The following RASAL2 variants were observed in gnomAD, a reference collection of about 807,000 sequenced individuals.
The protein encoded by RASAL2 is RAS protein activator like 2, also known as ras GTPase-activating protein nGAP.
RASAL2 carries 58 observed loss-of-function variants against 128.9 expected under a neutral mutation model. The ratio of observed to expected loss-of-function variants is 0.45; its 90% confidence interval spans 0.36 to 0.56. RASAL2 has a LOEUF of 0.56. Ranked by LOEUF, RASAL2 falls within the 20% of genes least tolerant of loss-of-function variation. The probability of loss-of-function intolerance (pLI) is 0.00; values close to 1 mark genes in which losing one functional copy is unlikely to be tolerated. For synonymous variants in RASAL2, 561 were observed against 580.8 expected (o/e 0.97, Z 0.49); for missense variants, 1,360 against 1,601.6 (o/e 0.85, Z 2.57).
At chr1:178,099,352 T>G (rs1276074497) in intron 1 of RASAL2, among the ~76,000 whole-genome samples, 1 of 152,232 alleles carries the variant, frequency 6.6e-6, no homozygotes. Flanking sequence ...ACATTAAGAA[T>G]AGACAGTTTT....
chr1:178,258,619 G>A (rs1045681151), intron 1 of RASAL2, among the ~76,000 whole-genome samples: 1 of 152,222 alleles, frequency 6.6e-6, no homozygotes, highest in African/African-American at 2.4e-5. Context: ...AATAACAAGT[G>A]TTGACTTGTA....
chr1:178,327,931 A>G (rs1413719239), intron 3 of RASAL2, among the ~76,000 whole-genome samples: 2 of 152,198 alleles, frequency 1.3e-5, no homozygotes, highest in East Asian at 3.9e-4. Flanking sequence ...GGAGTAAAGC[A>G]GACACAAGCC....
intron 1 of RASAL2, among the ~76,000 whole-genome samples, chr1:178,162,347 T>TATATAATATATAATATAC (rs2101896396): frequency 7.8e-6 from 1 of 127,470 alleles, no homozygotes; most frequent in East Asian, 2.0e-4. Flanking sequence ...ATATTATGTG[T>TATATAATATATAATATAC]ATATAATATA....
chr1:178,253,602 G>T (rs532481579), intron 1 of RASAL2, among the ~76,000 whole-genome samples: 6 of 152,084 alleles, frequency 3.9e-5, no homozygotes, highest in Non-Finnish European at 8.8e-5. Flanking sequence ...AAGGGAGATA[G>T]GGGTGGGGCT....
intron 1 of RASAL2, among the ~76,000 whole-genome samples, chr1:178,230,436 C>G (rs1035738949): frequency 1.3e-5 from 2 of 152,182 alleles, no homozygotes; most frequent in Admixed American, 1.3e-4. Context: ...TCTGGTTACT[C>G]TACATCCTCA....
chr1:178,288,033 A>C (rs1418507730), intron 2 of RASAL2, among the ~76,000 whole-genome samples: 4 of 152,218 alleles, frequency 2.6e-5, no homozygotes, highest in Non-Finnish European at 2.9e-5. Flanking sequence ...TATTGGGTTT[A>C]ACAGACATTA....
At chr1:178,229,387 A>G (rs984608442) in intron 1 of RASAL2, among the ~76,000 whole-genome samples, 1 of 152,146 alleles carries the variant, frequency 6.6e-6, no homozygotes, top group Non-Finnish European at 1.5e-5. Flanking sequence ...ATTGTCTGTC[A>G]TTAGTCTCTT....
intron 4 of RASAL2, among the ~76,000 whole-genome samples, chr1:178,418,450 C>A (rs986786758): frequency 3.3e-5 from 5 of 152,128 alleles, no homozygotes; most frequent in Non-Finnish European, 7.4e-5. Context: ...TCAATCTCTA[C>A]ATACCTATAA....
rs1054568667 is a variant in RASAL2, at chr1:178,442,995, A to G, written c.1248A>G (p.Pro416=). ...GCCAATTTGTAGAAAAGTGGTATCC[A>G]GTGAGTACACCTACACCCAACAAAG... ...TGRQFVEKWY[P]VSTPTPNKGK... is the part of the protein sequence containing the mutation. The change falls in exon 8 of 18, where the codon CCA becomes CCG. Residue 416 remains proline, a synonymous_variant. Coordinates refer to ENST00000367649, the MANE Select transcript of RASAL2 (RefSeq NM_170692.4). 1.2e-6 allele frequency: 2 copies of G among 1,614,108 alleles called. No homozygotes were observed. Among genetic ancestry groups the G allele is most frequent in the Admixed American group, 1.7e-5 (1 of 59,978 alleles).
At chr1:178,341,081 C>T (rs894306748) in intron 3 of RASAL2, among the ~76,000 whole-genome samples, 1 of 152,110 alleles carries the variant, frequency 6.6e-6, no homozygotes, top group African/African-American at 2.4e-5. Context: ...TCTGCGTCAG[C>T]TGTAAGATTT....
intron 3 of RASAL2, among the ~76,000 whole-genome samples, chr1:178,318,933 G>A (rs975651049): frequency 5.3e-5 from 8 of 151,868 alleles, no homozygotes; most frequent in African/African-American, 1.2e-4. Flanking sequence ...GGCTGGTACC[G>A]GTTGTTCCTT....
intron 1 of RASAL2, among the ~76,000 whole-genome samples, chr1:178,165,601 C>T (rs545033509): frequency 1.8e-4 from 28 of 152,262 alleles, no homozygotes; most frequent in African/African-American, 4.8e-4. Context: ...TACACATATA[C>T]ACACAAATGC....
At chr1:178,371,783 T>C (rs1671731460) in intron 3 of RASAL2, among the ~76,000 whole-genome samples, 1 of 152,210 alleles carries the variant, frequency 6.6e-6, no homozygotes, top group African/African-American at 2.4e-5. Flanking sequence ...TCTTTGTTTT[T>C]GTTTGATATT....
rs145386179 is a variant in RASAL2 at position 178,268,544 on chromosome 1, C to T, written c.203-15020C>T. 5.0e-3 allele frequency among the ~76,000 whole-genome samples: 763 copies of T among 152,086 alleles called. 15 individuals are homozygous for T. The highest frequency in any genetic ancestry group is 0.018 in the African/African-American group (734 of 41,464). ...GGCTACTTGGGAGGATTGCTTGAGC[C>T]CAGGAGTTAAAGGTCACAATGAGCT... On this transcript the variant is annotated intron_variant, in intron 1 of 17. Transcript: ENST00000367649.
chr1:178,335,506 T>C (rs755104325), intron 3 of RASAL2, among the ~76,000 whole-genome samples: 1 of 152,108 alleles, frequency 6.6e-6, no homozygotes, highest in Non-Finnish European at 1.5e-5. Flanking sequence ...GAGAATATGT[T>C]CCTCTCCTTT....
chr1:178,257,847 G>GA (rs71108038), intron 1 of RASAL2, among the ~76,000 whole-genome samples: 88,753 of 128,036 alleles, frequency 0.69, 30,488 homozygotes, highest in South Asian at 0.8. Context: ...TCTCAAAAAA[G>GA]AAAAAAAAAA....
At chr1:178,366,432 C>T (rs1262201816) in intron 3 of RASAL2, among the ~76,000 whole-genome samples, 1 of 152,046 alleles carries the variant, frequency 6.6e-6, no homozygotes, top group African/African-American at 2.4e-5. Context: ...TGCAAGAATA[C>T]TAAAGCAGGA....
At position 178,467,181 on chromosome 1, in the gene RASAL2, C is replaced by G. The variant is rs191627086; in HGVS notation, c.3591-153C>G. On this transcript the variant is annotated intron_variant, in intron 16 of 17. Transcript: ENST00000367649. ...TCCAGGCACAAGGAGAAAAATCAACCTTAGATGTCTTATTCCAAGGTAGTA... is the reference window on the plus strand; with the variant it reads ...TCCAGGCACAAGGAGAAAAATCAACGTTAGATGTCTTATTCCAAGGTAGTA... Among the ~76,000 whole-genome samples, 27 of 152,158 alleles carry G rather than the reference C, an allele frequency of 1.8e-4. 1 individual carries two copies. The highest frequency in any genetic ancestry group is 1.6e-3 in the Admixed American group (25 of 15,280).
chr1:178,209,761 A>G (rs1214417535), intron 1 of RASAL2, among the ~76,000 whole-genome samples: 2 of 151,800 alleles, frequency 1.3e-5, no homozygotes, highest in Admixed American at 6.6e-5. Context: ...AGATATCATT[A>G]TCTGATTAAT....
Sources: gnomAD v4.1 joint callset for allele counts (sites outside exome capture counted in the v4.1 genomes callset) on GRCh38, gnomAD v4.1.1 for gene constraint, MANE v1.5 for transcripts, NCBI Gene and HGNC (gene_info 2026-07-23, HGNC 2026-07-21) for gene names.